SOX5: variants seen among roughly 807,000 people sequenced by gnomAD.
SOX5 encodes transcription factor SOX-5.
Under a neutral mutation model 92.0 loss-of-function variants are expected in SOX5, and 9 were observed. That is an observed-to-expected ratio of 0.10 (90% CI 0.06 to 0.17). SOX5 has a LOEUF of 0.17. SOX5 is among the 10% of genes least tolerant of loss of function. The pLI, the probability that SOX5 is intolerant of heterozygous loss-of-function variation, is 1.00. For missense variants in SOX5, 642 were observed against 944.5 expected (o/e 0.68, Z 4.20); for synonymous variants, 344 against 336.3 (o/e 1.02, Z -0.25).
At chr12:23,719,788 CAAAAAA>C (rs33914230) in intron 6 of SOX5, among the ~76,000 whole-genome samples, 3 of 64,174 alleles carry the variant, frequency 4.7e-5, no homozygotes, top group Non-Finnish European at 8.3e-5. Context: ...AGCTATTTAC[CAAAAAA>C]AAAAAAAAAA....
chr12:24,382,731 G>T (rs923308690), intron 1 of SOX5, among the ~76,000 whole-genome samples: 1 of 152,130 alleles, frequency 6.6e-6, no homozygotes, highest in Non-Finnish European at 1.5e-5. Flanking sequence ...GTGGTGAGAG[G>T]TGCTCAGATT....
chr12:23,831,315 T>G (rs746353685), intron 3 of SOX5, among the ~76,000 whole-genome samples: 1 of 152,238 alleles, frequency 6.6e-6, no homozygotes, highest in African/African-American at 2.4e-5. Flanking sequence ...ATGGATATGT[T>G]ACTGTTTTGT....
rs139173942 is a variant in SOX5 at position 24,439,768 on chromosome 12, G to A, written c.-250-71129C>T. On this transcript the variant is annotated intron_variant, in intron 1 of 4. Coordinates refer to the SOX5 transcript ENST00000446891. ...AAATTGGTCGGGCATGGTGGCGGGC[G>A]CCTGTAGTCCCAGCTACTCAGGAGG... 4.8e-3 allele frequency among the ~76,000 whole-genome samples: 729 copies of A among 152,080 alleles called. 9 individuals carry two copies. In the East Asian group the frequency reaches 0.051, roughly 11 times the overall value.
At chr12:24,417,804 G>A (rs1407858398) in intron 1 of SOX5, among the ~76,000 whole-genome samples, 2 of 152,146 alleles carry the variant, frequency 1.3e-5, no homozygotes, top group African/African-American at 2.4e-5. Context: ...CTAGAGCCAG[G>A]ACACTCTCTG....
intron 12 of SOX5, among the ~76,000 whole-genome samples, chr12:23,544,968 A>G (rs1942829353): frequency 6.6e-6 from 1 of 152,222 alleles, no homozygotes; most frequent in African/African-American, 2.4e-5. Context: ...CAAGCTCTTT[A>G]AATGTACATA....
chr12:24,231,429 G>T (rs923530376), intron 3 of SOX5, among the ~76,000 whole-genome samples: 1 of 152,076 alleles, frequency 6.6e-6, no homozygotes, highest in Non-Finnish European at 1.5e-5. Flanking sequence ...AACTCTAGGG[G>T]GAAGAAAGTC....
At chr12:24,408,383 G>A (rs1566092162) in intron 1 of SOX5, among the ~76,000 whole-genome samples, 1 of 151,912 alleles carries the variant, frequency 6.6e-6, no homozygotes, top group Non-Finnish European at 1.5e-5. Context: ...AGAGATCCTG[G>A]GCAGCCTTTA....
chr12:24,063,999 G>A (rs1043235989), intron 4 of SOX5, among the ~76,000 whole-genome samples: 2 of 152,174 alleles, frequency 1.3e-5, no homozygotes, highest in African/African-American at 4.8e-5. Context: ...GGAATAAAAT[G>A]GTAGGGAGAG....
chr12:24,068,491 G>A (rs1215741433), intron 4 of SOX5, among the ~76,000 whole-genome samples: 1 of 151,686 alleles, frequency 6.6e-6, no homozygotes, highest in Non-Finnish European at 1.5e-5. Context: ...ATAAATAAAA[G>A]AGATTATCTT....
intron 4 of SOX5, among the ~76,000 whole-genome samples, chr12:24,068,725 TATATATATATATATATATATATACAC>T (rs1330382144): frequency 2.1e-5 from 2 of 97,372 alleles, no homozygotes; most frequent in African/African-American, 8.6e-5. Flanking sequence ...TATATATATA[TATATATATATATATATATATATACAC>T]ACACACACAT....
At chr12:23,769,671 C>T (rs1006915217) in intron 3 of SOX5, among the ~76,000 whole-genome samples, 18 of 152,136 alleles carry the variant, frequency 1.2e-4, no homozygotes, top group African/African-American at 4.1e-4. Context: ...TGAATTGTAT[C>T]TTCTGGGGTT....
At chr12:24,024,613 CAT>C (rs1211323463) in intron 4 of SOX5, among the ~76,000 whole-genome samples, 1 of 152,024 alleles carries the variant, frequency 6.6e-6, no homozygotes, top group African/African-American at 2.4e-5. Flanking sequence ...AAACTGACTA[CAT>C]TTCAGACATT....
intron 4 of SOX5, among the ~76,000 whole-genome samples, chr12:23,995,935 T>C (rs534003404): frequency 1.1e-4 from 17 of 152,188 alleles, no homozygotes; most frequent in Admixed American, 2.0e-4. Context: ...TAATCTGTCT[T>C]ACCTTGGGAT....
chr12:24,244,898 T>G (rs751272124), intron 3 of SOX5, among the ~76,000 whole-genome samples: 5 of 152,046 alleles, frequency 3.3e-5, no homozygotes, highest in Non-Finnish European at 7.4e-5. Flanking sequence ...ATTCTGTTGG[T>G]CAGGCTAGTC....
At chr12:23,574,121 A>G (rs1445179058) in intron 10 of SOX5, among the ~76,000 whole-genome samples, 1 of 151,888 alleles carries the variant, frequency 6.6e-6, no homozygotes, top group African/African-American at 2.4e-5. Context: ...ATATTATAGT[A>G]TTAATATTAG....
intron 6 of SOX5, among the ~76,000 whole-genome samples, chr12:23,703,344 A>G (rs1164454385): frequency 6.6e-6 from 1 of 152,028 alleles, no homozygotes; most frequent in Non-Finnish European, 1.5e-5. Context: ...ATCTGTTAAT[A>G]ACCATATGTT....
At chr12:24,558,777 A>G (rs1954056534) in intron 1 of SOX5, among the ~76,000 whole-genome samples, 1 of 152,204 alleles carries the variant, frequency 6.6e-6, no homozygotes, top group East Asian at 1.9e-4. Flanking sequence ...AAAGTAAACA[A>G]CAAAGACCCC....
chr12:24,499,304 G>A (rs557226865), intron 1 of SOX5, among the ~76,000 whole-genome samples: 1 of 152,298 alleles, frequency 6.6e-6, no homozygotes, highest in South Asian at 2.1e-4. Context: ...TTTCTTGGGT[G>A]AAATAGGGCT....
chr12:23,606,492 CA>C (rs900447584), intron 8 of SOX5, among the ~76,000 whole-genome samples: 3 of 151,410 alleles, frequency 2.0e-5, no homozygotes, highest in Non-Finnish European at 4.4e-5. Flanking sequence ...AAAATGTGAA[CA>C]AAACAGTTAT....
Sources: gnomAD v4.1 joint callset for allele counts (sites outside exome capture counted in the v4.1 genomes callset) on GRCh38, gnomAD v4.1.1 for gene constraint, MANE v1.5 for transcripts, NCBI Gene and HGNC (gene_info 2026-07-23, HGNC 2026-07-21) for gene names.